Variants in CSNK1A1 observed in about 807,000 individuals in gnomAD.
CSNK1A1 encodes casein kinase 1 alpha 1, also known as casein kinase I isoform alpha.
Under a neutral mutation model 46.1 loss-of-function variants are expected in CSNK1A1, and 7 were observed. The observed-to-expected ratio is 0.15, with a 90% CI of 0.09 to 0.29. The LOEUF (loss-of-function observed/expected upper bound fraction) is 0.29, where lower values mean the gene tolerates loss of function less well. Ranked by LOEUF, CSNK1A1 falls within the 10% of genes least tolerant of loss-of-function variation. CSNK1A1 has a pLI of 1.00. For synonymous variants in CSNK1A1, 137 were observed against 141.5 expected (o/e 0.97, Z 0.23); for missense variants, 96 against 417.1 (o/e 0.23, Z 6.71).
At chr5:149,499,053 G>C (rs1580814534) in intron 9 of CSNK1A1, 1 of 985,324 alleles carries the variant, frequency 1.0e-6, no homozygotes, top group East Asian at 1.1e-4. Flanking sequence ...TTCCAGCCAG[G>C]GATCAACATT....
chr5:149,503,377 A>T, intron 9 of CSNK1A1: 3 of 985,452 alleles, frequency 3.0e-6, no homozygotes, highest in Non-Finnish European at 3.6e-6. Flanking sequence ...TGTTTTCAAG[A>T]TGTCAAAGAG....
chr5:149,550,747 TGAG>T lies in CSNK1A1; in HGVS notation c.123+92_123+94del, dbSNP rs1400702611. 5.2e-6 allele frequency: 8 copies of T among 1,544,866 alleles called. No individual in the cohort carries two copies. The highest frequency in any genetic ancestry group is 2.3e-5 in the East Asian group (1 of 43,556). ...TGGACTCCCTGGCGAGTGCGTGCGA[TGAG>T]GAGAGGCCCGAGCACTTTGGGGGTG... is the stretch of plus-strand genomic sequence containing the variant. On this transcript the variant is annotated intron_variant, in intron 1 of 9. Coordinates refer to ENST00000377843, the MANE Select transcript of CSNK1A1 (RefSeq NM_001892.6). This position sits in a 1 kb window ranked among gnomAD's most constrained non-coding sequence, Gnocchi z 4.3.
intron 9 of CSNK1A1, chr5:149,502,523 G>GT (rs1760898125): frequency 9.5e-6 from 2 of 211,404 alleles, no homozygotes; most frequent in African/African-American, 5.3e-5. Context: ...TTTTTTTTGG[G>GT]GGGGGGGGGG....
chr5:149,501,447 GA>G, intron 9 of CSNK1A1: 3 of 985,416 alleles, frequency 3.0e-6, no homozygotes, highest in Non-Finnish European at 3.6e-6. Context: ...GGTGAACTCA[GA>G]AAAAGTCAAA....
chr5:149,547,609 T>C (rs768059288), intron 2 of CSNK1A1, among the ~76,000 whole-genome samples: 10 of 152,022 alleles, frequency 6.6e-5, no homozygotes, highest in African/African-American at 2.4e-4. Flanking sequence ...TATGAAATTC[T>C]AGGAAAAACT....
intron 2 of CSNK1A1, among the ~76,000 whole-genome samples, chr5:149,532,187 T>C (rs1267718008): frequency 6.6e-6 from 1 of 152,146 alleles, no homozygotes; most frequent in Non-Finnish European, 1.5e-5. Context: ...CCCTACACTC[T>C]GCTTATTAAT....
Position 149,496,862 on chromosome 5 carries a change from T to A in CSNK1A1, c.1007-2A>T. 1 of 1,549,340 alleles carries A rather than the reference T, an allele frequency of 6.5e-7. No homozygotes were observed. Among genetic ancestry groups the A allele is most frequent in the Admixed American group, 2.0e-5 (1 of 49,654 alleles). On this transcript the variant is annotated splice_acceptor_variant, in intron 9 of 9. Coordinates refer to ENST00000377843, the MANE Select transcript of CSNK1A1 (RefSeq NM_001892.6). LOFTEE classifies it high-confidence loss of function. Reference sequence around the variant, plus strand: ...GTTCCTCAATTCATGCTTAGAAACCTGGTAAAAAATCAAAACAAAAAAAAA... The same window carrying A: ...GTTCCTCAATTCATGCTTAGAAACCAGGTAAAAAATCAAAACAAAAAAAAA...
At chr5:149,546,760 A>G (rs771496506) in intron 2 of CSNK1A1, among the ~76,000 whole-genome samples, 1 of 152,222 alleles carries the variant, frequency 6.6e-6, no homozygotes, top group African/African-American at 2.4e-5. Context: ...CAATACTTCT[A>G]AAACAATAGA....
intron 9 of CSNK1A1, chr5:149,498,870 G>A (rs1187973571): frequency 1.0e-6 from 1 of 985,278 alleles, no homozygotes; most frequent in African/African-American, 1.7e-5. Flanking sequence ...TTAATAGCAA[G>A]AAAACTTCAG....
chr5:149,497,861 T>G (rs1380172514), intron 9 of CSNK1A1: 2 of 974,072 alleles, frequency 2.1e-6, no homozygotes, highest in Non-Finnish European at 2.4e-6. Flanking sequence ...TTGGAGACAG[T>G]CTCGCTCTGT....
chr5:149,540,526 T>C (rs1276339518), intron 2 of CSNK1A1, among the ~76,000 whole-genome samples: 1 of 152,146 alleles, frequency 6.6e-6, no homozygotes, highest in Non-Finnish European at 1.5e-5. Context: ...AGATAAATCC[T>C]ATAATGTACC....
At chr5:149,547,315 G>T (rs1210176498) in intron 2 of CSNK1A1, among the ~76,000 whole-genome samples, 2 of 152,162 alleles carry the variant, frequency 1.3e-5, no homozygotes, top group Non-Finnish European at 2.9e-5. Context: ...ATTCTGCTCA[G>T]AAGTTAATTT....
chr5:149,533,166 CA>C (rs879928753), intron 2 of CSNK1A1, among the ~76,000 whole-genome samples: 2 of 151,700 alleles, frequency 1.3e-5, no homozygotes, highest in African/African-American at 2.4e-5. Context: ...TAAAAACAAA[CA>C]AAAAAAACTT....
intron 2 of CSNK1A1, among the ~76,000 whole-genome samples, chr5:149,539,487 G>T (rs1762165805): frequency 1.3e-5 from 2 of 150,574 alleles, no homozygotes; most frequent in African/African-American, 4.9e-5. Context: ...AAAAAAGAAA[G>T]AAAAGAGTAT....
Position 149,508,975 on chromosome 5 carries a change from T to C in CSNK1A1, c.750+904A>G, listed in dbSNP as rs185538922. ...CAGGGTCTCACTCTGTCACCCAAGC[T>C]GGACTGCAGTGGTGCAATCTTGGCT... is the stretch of plus-strand genomic sequence containing the variant. On this transcript the variant is annotated intron_variant, in intron 7 of 9. Transcript: ENST00000377843. Among the ~76,000 whole-genome samples the C allele has an allele frequency of 2.8e-4, 43 of 152,342 alleles. 2 individuals are homozygous for C. The East Asian group carries it at 8.1e-3, about 29-fold the overall frequency.
chr5:149,543,401 A>G (rs890472032), intron 2 of CSNK1A1, among the ~76,000 whole-genome samples: 1 of 152,196 alleles, frequency 6.6e-6, no homozygotes, highest in African/African-American at 2.4e-5. Flanking sequence ...ATAAGCCAGT[A>G]TAAAGCAGCT....
rs1422123012 is a variant in CSNK1A1 at position 149,542,667 on chromosome 5, T to C, written c.230+7408A>G. Among the ~76,000 whole-genome samples the C allele has an allele frequency of 1.7e-4, 2 of 11,554 alleles. 1 individual carries two copies. Among genetic ancestry groups the C allele is most frequent in the Non-Finnish European group, 2.9e-4 (2 of 6,848 alleles). 7.6% of individuals were successfully genotyped at this position (11,554 alleles called of 152,430 possible). The stretch of plus-strand genomic sequence containing the variant: ...ATATATATATATATATATATATATA[T>C]ATATGTATATATATATATATATATA... On this transcript the variant is annotated intron_variant, in intron 2 of 9. Coordinates refer to ENST00000377843, the MANE Select transcript of CSNK1A1 (RefSeq NM_001892.6).
chr5:149,520,392 G>GAA lies in CSNK1A1; in HGVS notation c.358-6_358-5dup. On this transcript the variant is annotated splice_region_variant and splice_polypyrimidine_tract_variant and intron_variant, in intron 3 of 9. Transcript: ENST00000377843. ...CATATTCAATTCTACTGATCATCTG[G>GAA]AAAAAAAAGAAGGGAGAGATAATTG... 1 of 1,512,746 alleles carries GAA rather than the reference G, an allele frequency of 6.6e-7. No homozygotes were observed. The highest frequency in any genetic ancestry group is 9.1e-7 in the Non-Finnish European group (1 of 1,098,788). 93.7% of individuals were successfully genotyped at this position (1,512,746 alleles called of 1,614,324 possible).
chr5:149,538,233 G>A (rs1393526963), intron 2 of CSNK1A1, among the ~76,000 whole-genome samples: 2 of 151,864 alleles, frequency 1.3e-5, no homozygotes, highest in Non-Finnish European at 2.9e-5. Flanking sequence ...TGTTGGTCAG[G>A]CTGGTCTCGA....
Sources: allele counts gnomAD v4.1 joint callset (sites outside exome capture counted in the v4.1 genomes callset), GRCh38; gene constraint gnomAD v4.1.1; non-coding constraint Gnocchi (gnomAD v3.1); transcripts MANE v1.5; gene names NCBI Gene and HGNC (gene_info 2026-07-23, HGNC 2026-07-21).